TENM2: variants seen among roughly 807,000 people sequenced by gnomAD.
The protein encoded by TENM2 is teneurin-2.
TENM2 carries 52 observed loss-of-function variants against 245.2 expected under a neutral mutation model. The ratio of observed to expected loss-of-function variants is 0.21; its 90% CI spans 0.17 to 0.27. The LOEUF is 0.27. Ranked by LOEUF, TENM2 falls within the 10% of genes least tolerant of loss-of-function variation. The probability of loss-of-function intolerance (pLI) is 1.00; values close to 1 mark genes in which losing one functional copy is unlikely to be tolerated. For synonymous variants in TENM2, 1,363 were observed against 1,438.9 expected, an observed-to-expected ratio of 0.95 and a Z score of 1.19; for missense variants, 3,046 against 3,666.8, an observed-to-expected ratio of 0.83 and a Z score of 4.37.
intron 2 of TENM2, among the ~76,000 whole-genome samples, chr5:167,779,675 T>C (rs1449486702): frequency 6.6e-6 from 1 of 152,236 alleles, no homozygotes; most frequent in African/African-American, 2.4e-5. Flanking sequence ...TTTTAGGATA[T>C]GTATCAGTCA....
intron 2 of TENM2, among the ~76,000 whole-genome samples, chr5:167,383,594 A>G (rs1452082333): frequency 2.0e-5 from 3 of 151,648 alleles, no homozygotes; most frequent in Admixed American, 2.0e-4. Flanking sequence ...TTCCCTCCCC[A>G]CCTGCATCCA....
chr5:168,027,606 T>A (rs1786741967), intron 5 of TENM2, among the ~76,000 whole-genome samples: 1 of 152,142 alleles, frequency 6.6e-6, no homozygotes, highest in Non-Finnish European at 1.5e-5. Context: ...TATGGATGCT[T>A]GGTACTGAAA....
chr5:167,955,627 C>A (rs575671416), intron 4 of TENM2, among the ~76,000 whole-genome samples: 1 of 152,220 alleles, frequency 6.6e-6, no homozygotes. Flanking sequence ...TTTAATCCAT[C>A]TTGAGTTAAT....
At chr5:168,074,340 C>T (rs1233311515) in intron 7 of TENM2, among the ~76,000 whole-genome samples, 1 of 152,158 alleles carries the variant, frequency 6.6e-6, no homozygotes, top group Non-Finnish European at 1.5e-5. Context: ...ACCACCAAAG[C>T]CCCTGCCAAC....
At chr5:167,546,370 C>A (rs1350575009) in intron 2 of TENM2, among the ~76,000 whole-genome samples, 1 of 152,124 alleles carries the variant, frequency 6.6e-6, no homozygotes, top group African/African-American at 2.4e-5. Context: ...GGAATTGTCT[C>A]CCATAAATGG....
rs984438130 is a variant in TENM2, at chr5:167,593,341, C to T, written c.502+217868C>T. Among the ~76,000 whole-genome samples the T allele has an allele frequency of 9.9e-5, 15 of 152,246 alleles. 1 individual carries two copies. Among genetic ancestry groups the T allele is most frequent in the Non-Finnish European group, 2.2e-4 (15 of 68,040 alleles). On this transcript the variant is annotated intron_variant, in intron 2 of 28. Transcript: ENST00000518659. ...ACAATTGTTTTTCTAAAAGGGTAAT[C>T]ACCTTGGAAAAGCTTTCCATGTTCT...
chr5:167,461,580 C>T (rs146308497), intron 2 of TENM2, among the ~76,000 whole-genome samples: 5 of 152,210 alleles, frequency 3.3e-5, no homozygotes, highest in African/African-American at 1.2e-4. Context: ...TATACTGTCC[C>T]GAACTTGGGT....
At chr5:167,355,245 A>G (rs1759234099) in intron 1 of TENM2, among the ~76,000 whole-genome samples, 1 of 152,108 alleles carries the variant, frequency 6.6e-6, no homozygotes. Flanking sequence ...TCTTGGGGAG[A>G]CTTAAGTACA....
the TENM2 span, among the ~76,000 whole-genome samples, chr5:167,102,550 G>A: frequency 1.4e-3 from 208 of 152,348 alleles, 2 homozygotes; most frequent in African/African-American, 4.7e-3. Context: ...CGTGGATGAT[G>A]ATATGACCAA....
chr5:167,973,063 C>T (rs1781914490), intron 4 of TENM2, among the ~76,000 whole-genome samples: 1 of 152,188 alleles, frequency 6.6e-6, no homozygotes, highest in Non-Finnish European at 1.5e-5. Context: ...ATCCACCTTG[C>T]CTCTATCTAC....
At chr5:167,654,461 C>A (rs1388069748) in intron 2 of TENM2, among the ~76,000 whole-genome samples, 2 of 152,138 alleles carry the variant, frequency 1.3e-5, no homozygotes, top group Non-Finnish European at 2.9e-5. Flanking sequence ...TATTTCTGAT[C>A]CTGGTAGTGG....
chr5:168,258,345 C>CA (rs1023872294), intron 27 of TENM2, among the ~76,000 whole-genome samples: 11 of 151,942 alleles, frequency 7.2e-5, no homozygotes, highest in African/African-American at 2.7e-4. Flanking sequence ...ACTAAAAATA[C>CA]AAAAAATTAG....
At chr5:167,457,403 G>T (rs2127485862) in intron 2 of TENM2, among the ~76,000 whole-genome samples, 1 of 151,582 alleles carries the variant, frequency 6.6e-6, no homozygotes, top group African/African-American at 2.4e-5. Flanking sequence ...CGCAATCTCA[G>T]CTCACCGCAA....
At chr5:168,215,592 C>T (rs1278500245) in intron 21 of TENM2, among the ~76,000 whole-genome samples, 2 of 152,300 alleles carry the variant, frequency 1.3e-5, no homozygotes, top group South Asian at 2.1e-4. Flanking sequence ...TGGCGTGAAC[C>T]CGGGAGGCGG....
chr5:168,241,821 T>C (rs1766127801), intron 25 of TENM2, among the ~76,000 whole-genome samples: 1 of 152,150 alleles, frequency 6.6e-6, no homozygotes, highest in Non-Finnish European at 1.5e-5. Context: ...CTTGTATCAA[T>C]TTAGATTTGT....
Position 167,329,316 on chromosome 5 carries a change from C to T in TENM2, c.226+44253C>T, listed in dbSNP as rs111939298. Among the ~76,000 whole-genome samples the T allele has an allele frequency of 5.4e-3, 813 of 149,764 alleles. 10 individuals carry two copies. The highest frequency in any genetic ancestry group is 0.019 in the African/African-American group (769 of 40,664). ...ATCTCAGCACTTTGGGAGGCCGAGG[C>T]GGGCGGATCATGAGGTCAGGAGATT... is the stretch of plus-strand genomic sequence containing the variant. On this transcript the variant is annotated intron_variant, in intron 1 of 28. Coordinates refer to ENST00000518659, the Ensembl canonical transcript of TENM2.
intron 2 of TENM2, among the ~76,000 whole-genome samples, chr5:167,844,895 A>G (rs1769892440): frequency 1.3e-5 from 2 of 149,590 alleles, no homozygotes; most frequent in South Asian, 2.1e-4. Flanking sequence ...TCGCCCCTTC[A>G]GTATTTCTAT....
At chr5:168,249,229 A>G (rs956534585) in intron 27 of TENM2, among the ~76,000 whole-genome samples, 3 of 152,138 alleles carry the variant, frequency 2.0e-5, no homozygotes, top group Non-Finnish European at 2.9e-5. Flanking sequence ...TAGAGAAGCA[A>G]TGAGTGAGCG....
chr5:167,202,373 C>A, the TENM2 span, among the ~76,000 whole-genome samples: 8 of 152,114 alleles, frequency 5.3e-5, no homozygotes, highest in East Asian at 1.2e-3. Context: ...GCATTCCCAC[C>A]CCATCACCTT....
Sources: gnomAD v4.1 joint callset for allele counts (sites outside exome capture counted in the v4.1 genomes callset) on GRCh38, gnomAD v4.1.1 for gene constraint, MANE v1.5 for transcripts, NCBI Gene and HGNC (gene_info 2026-07-23, HGNC 2026-07-21) for gene names.